KCNN2: variants seen among roughly 807,000 people sequenced by gnomAD.
KCNN2 encodes the protein small conductance calcium-activated potassium channel protein 2.
Under a neutral mutation model 55.5 loss-of-function variants are expected in KCNN2, and 24 were observed. The ratio of observed to expected loss-of-function variants is 0.43; its 90% CI spans 0.31 to 0.61. KCNN2 has a LOEUF of 0.61. KCNN2 is among the 20% of genes least tolerant of loss of function. The pLI is 0.08. For synonymous variants in KCNN2, 431 were observed against 336.1 expected, an observed-to-expected ratio of 1.28 and a Z score of -3.09; for missense variants, 754 against 853.6, an observed-to-expected ratio of 0.88 and a Z score of 1.45.
At chr5:114,076,467 ACAT>A (rs1750687249) in intron 1 of KCNN2, among the ~76,000 whole-genome samples, 1 of 152,198 alleles carries the variant, frequency 6.6e-6, no homozygotes, top group African/African-American at 2.4e-5. Flanking sequence ...GGGGCCTTAA[ACAT>A]CATGTATTTC....
At chr5:114,457,068 TC>T (rs1760958101) in intron 3 of KCNN2, among the ~76,000 whole-genome samples, 1 of 152,180 alleles carries the variant, frequency 6.6e-6, no homozygotes, top group African/African-American at 2.4e-5. Flanking sequence ...TGAAAGAAGT[TC>T]TATGGGTAAA....
chr5:114,319,648 T>C (rs979064040), intron 2 of KCNN2, among the ~76,000 whole-genome samples: 1 of 152,210 alleles, frequency 6.6e-6, no homozygotes, highest in Non-Finnish European at 1.5e-5. Flanking sequence ...CAGGCAAAAG[T>C]CTGACTTAAG....
intron 5 of KCNN2, among the ~76,000 whole-genome samples, chr5:114,480,133 A>G (rs1350046353): frequency 6.6e-6 from 1 of 152,138 alleles, no homozygotes; most frequent in Non-Finnish European, 1.5e-5. Flanking sequence ...ATAGACAAAG[A>G]AGAAAAGAGC....
intron 2 of KCNN2, among the ~76,000 whole-genome samples, chr5:114,353,464 A>T (rs1757249279): frequency 6.6e-6 from 1 of 151,806 alleles, no homozygotes; most frequent in Non-Finnish European, 1.5e-5. Context: ...ATTTTAAGGT[A>T]TTTTATTTAA....
intron 1 of KCNN2, among the ~76,000 whole-genome samples, chr5:114,215,589 A>C (rs544233345): frequency 1.3e-5 from 2 of 152,254 alleles, no homozygotes; most frequent in South Asian, 4.1e-4. Flanking sequence ...AAATTATGCT[A>C]CAAATCGGAC....
chr5:114,094,315 C>G (rs1158115), intron 1 of KCNN2, among the ~76,000 whole-genome samples: 1 of 151,636 alleles, frequency 6.6e-6, no homozygotes, highest in East Asian at 2.0e-4. Context: ...CACACTTACC[C>G]CACCAGACCT....
intron 2 of KCNN2, among the ~76,000 whole-genome samples, chr5:114,252,003 C>T (rs1020298894): frequency 2.6e-5 from 4 of 151,184 alleles, no homozygotes; most frequent in East Asian, 1.9e-4. Flanking sequence ...CTCAGCCTCC[C>T]GAGCAGCTGG....
At chr5:114,142,140 A>C (rs1483446368) in intron 1 of KCNN2, among the ~76,000 whole-genome samples, 1 of 151,944 alleles carries the variant, frequency 6.6e-6, no homozygotes, top group Non-Finnish European at 1.5e-5. Context: ...GTTTAATGAG[A>C]TCCCATTTGT....
chr5:114,442,082 A>G (rs964435283), intron 3 of KCNN2, among the ~76,000 whole-genome samples: 15 of 152,158 alleles, frequency 9.9e-5, no homozygotes, highest in African/African-American at 3.6e-4. Context: ...TGGAGTGAGG[A>G]TAACAGAAGT....
chr5:114,480,823 A>T (rs115041412), intron 5 of KCNN2, among the ~76,000 whole-genome samples: 4,370 of 152,284 alleles, frequency 0.029, 82 homozygotes, highest in Middle Eastern at 0.088. Context: ...ACATCCCTGC[A>T]TGTTAAATGC....
intron 1 of KCNN2, among the ~76,000 whole-genome samples, chr5:114,165,605 G>C (rs1372331060): frequency 1.3e-5 from 2 of 152,110 alleles, no homozygotes; most frequent in Non-Finnish European, 2.9e-5. Flanking sequence ...TGCCTGTTTA[G>C]ATTTGGTTCT....
At chr5:114,141,707 C>T (rs538304663) in intron 1 of KCNN2, among the ~76,000 whole-genome samples, 1 of 152,344 alleles carries the variant, frequency 6.6e-6, no homozygotes, top group South Asian at 2.1e-4. Context: ...ATTCGCCACA[C>T]TGTCTTCCAC....
At chr5:114,207,028 C>G (rs570390243) in intron 1 of KCNN2, among the ~76,000 whole-genome samples, 1 of 152,196 alleles carries the variant, frequency 6.6e-6, no homozygotes, top group Non-Finnish European at 1.5e-5. Context: ...TTAGAACACT[C>G]TTTCTTTTTA....
At chr5:114,455,228 T>C (rs1220387851) in intron 3 of KCNN2, among the ~76,000 whole-genome samples, 2 of 152,342 alleles carry the variant, frequency 1.3e-5, no homozygotes. Flanking sequence ...ATCAGCATCA[T>C]TTTTTCCATA....
chr5:114,242,269 C>T (rs1387968703), intron 2 of KCNN2, among the ~76,000 whole-genome samples: 1 of 150,266 alleles, frequency 6.7e-6, no homozygotes, highest in Non-Finnish European at 1.5e-5. Context: ...GCTCAGTAGA[C>T]ATATGAAAGC....
intron 2 of KCNN2, among the ~76,000 whole-genome samples, chr5:114,375,298 G>A (rs1757898575): frequency 6.6e-6 from 1 of 152,094 alleles, no homozygotes; most frequent in South Asian, 2.1e-4. Flanking sequence ...TGCATATAAT[G>A]TGACATAAAA....
At chr5:114,283,108 C>T (rs1382467718) in intron 2 of KCNN2, among the ~76,000 whole-genome samples, 1 of 152,114 alleles carries the variant, frequency 6.6e-6, no homozygotes, top group Non-Finnish European at 1.5e-5. Context: ...AATCTGAGTT[C>T]AAATATCAGT....
chr5:114,168,423 T>G (rs1752963642), intron 1 of KCNN2, among the ~76,000 whole-genome samples: 1 of 152,110 alleles, frequency 6.6e-6, no homozygotes, highest in African/African-American at 2.4e-5. Context: ...GGTTAAGCAT[T>G]TCTTCCAATG....
At chr5:114,195,843 A>G (rs1321866339) in intron 1 of KCNN2, among the ~76,000 whole-genome samples, 1 of 151,996 alleles carries the variant, frequency 6.6e-6, no homozygotes, top group Non-Finnish European at 1.5e-5. Flanking sequence ...GATGCCTTAT[A>G]TCAGATTAAG....
Sources: gnomAD v4.1 joint callset for allele counts (sites outside exome capture counted in the v4.1 genomes callset) on GRCh38, gnomAD v4.1.1 for gene constraint, MANE v1.5 for transcripts, NCBI Gene and HGNC (gene_info 2026-07-23, HGNC 2026-07-21) for gene names.